MNAT1: variants seen among roughly 807,000 people sequenced by gnomAD.
MNAT1 encodes the protein CDK-activating kinase assembly factor MAT1.
A neutral mutation model predicts 42.0 loss-of-function variants in MNAT1; 43 were observed. The ratio of observed to expected loss-of-function variants is 1.02; its 90% CI spans 0.80 to 1.32. The LOEUF (loss-of-function observed/expected upper bound fraction) is 1.32, where lower values mean the gene tolerates loss of function less well. Among genes scored for constraint, MNAT1 ranks in the 40% most tolerant of loss-of-function variants. The pLI is 0.00. For missense variants in MNAT1, 306 were observed against 350.4 expected (o/e 0.87, Z 1.01); for synonymous variants, 118 against 120.0 (o/e 0.98, Z 0.11).
chr14:60,905,409 C>G (rs2035174268), intron 7 of MNAT1, among the ~76,000 whole-genome samples: 1 of 151,918 alleles, frequency 6.6e-6, no homozygotes, highest in African/African-American at 2.4e-5. Flanking sequence ...GCAGATAAAC[C>G]AGGGTTTTCC....
chr14:60,905,821 G>A (rs2035185731), intron 7 of MNAT1, among the ~76,000 whole-genome samples: 2 of 152,084 alleles, frequency 1.3e-5, no homozygotes, highest in Admixed American at 1.3e-4. Context: ...CATTGGTGAG[G>A]GTGTATATTT....
intron 7 of MNAT1, among the ~76,000 whole-genome samples, chr14:60,910,185 A>T (rs1190680126): frequency 3.3e-5 from 5 of 152,196 alleles, no homozygotes; most frequent in African/African-American, 1.2e-4. Context: ...TTATCCTGAG[A>T]GTTTGCTGAA....
At chr14:60,750,834 C>G (rs967263184) in intron 1 of MNAT1, among the ~76,000 whole-genome samples, 2 of 151,904 alleles carry the variant, frequency 1.3e-5, no homozygotes, top group Non-Finnish European at 2.9e-5. Context: ...AAATGTTGTA[C>G]GTGGTTCCAA....
chr14:60,755,510 C>T (rs547365715), intron 1 of MNAT1, among the ~76,000 whole-genome samples: 1 of 152,272 alleles, frequency 6.6e-6, no homozygotes, highest in Non-Finnish European at 1.5e-5. Context: ...CTCTTAGGCT[C>T]AAGCCATCCT....
At chr14:60,823,550 T>A (rs1043976711) in intron 6 of MNAT1, among the ~76,000 whole-genome samples, 2 of 152,228 alleles carry the variant, frequency 1.3e-5, no homozygotes, top group African/African-American at 4.8e-5. Flanking sequence ...CATTACCTTT[T>A]ATATCTAAGA....
At chr14:60,889,405 A>C (rs1302575661) in intron 7 of MNAT1, among the ~76,000 whole-genome samples, 49 of 152,306 alleles carry the variant, frequency 3.2e-4, no homozygotes, top group Non-Finnish European at 7.3e-5. Context: ...CATATGTAGA[A>C]AGCTGAAACT....
rs1465360826 is a variant in MNAT1 at position 60,869,040 on chromosome 14, A to ATATATATATATATATATATATAT, written c.688-10673_688-10672insATATATATATATATATATATATT. ...ATTTTATACATATATATATATATAT[A>ATATATATATATATATATATATAT]TTTTTTTTTTTTTTTTTGAGACGGA... On this transcript the variant is annotated intron_variant, in intron 6 of 7. Coordinates refer to ENST00000261245, the MANE Select transcript of MNAT1 (RefSeq NM_002431.4). 1.0e-3 allele frequency among the ~76,000 whole-genome samples: 115 copies of ATATATATATATATATATATATAT among 112,998 alleles called. 1 individual carries two copies. Among genetic ancestry groups the ATATATATATATATATATATATAT allele is most frequent in the Non-Finnish European group, 1.5e-3 (83 of 54,700 alleles). 74.1% of individuals were successfully genotyped at this position (112,998 alleles called of 152,430 possible).
intron 6 of MNAT1, among the ~76,000 whole-genome samples, chr14:60,834,271 C>T (rs1566786495): frequency 6.6e-6 from 1 of 151,956 alleles, no homozygotes; most frequent in Non-Finnish European, 1.5e-5. Flanking sequence ...GTTAGTGTGT[C>T]GATTTTAGAT....
chr14:60,803,062 G>C (rs537280716), intron 3 of MNAT1, among the ~76,000 whole-genome samples: 1 of 151,250 alleles, frequency 6.6e-6, no homozygotes, highest in Admixed American at 6.6e-5. Context: ...CTCCCGAGTA[G>C]CTGGGATTAC....
intron 7 of MNAT1, among the ~76,000 whole-genome samples, chr14:60,952,203 C>A (rs1431902782): frequency 2.0e-5 from 3 of 152,042 alleles, no homozygotes; most frequent in Non-Finnish European, 4.4e-5. Flanking sequence ...GTTCAGGGTA[C>A]ATGGAGATGG....
chr14:60,798,058 A>G (rs1442030678), intron 2 of MNAT1, 29 bp from the exon 3 acceptor site: 1 of 1,051,866 alleles, frequency 9.5e-7, no homozygotes. Context: ...GATATGTAAT[A>G]TGTAGATTTC....
intron 7 of MNAT1, among the ~76,000 whole-genome samples, chr14:60,925,276 G>T (rs2035744305): frequency 6.6e-6 from 1 of 152,162 alleles, no homozygotes; most frequent in Non-Finnish European, 1.5e-5. Context: ...TAAAGTATAT[G>T]AGAAGATATG....
chr14:60,944,691 A>G (rs913793982), intron 7 of MNAT1, among the ~76,000 whole-genome samples: 13 of 152,228 alleles, frequency 8.5e-5, no homozygotes, highest in Non-Finnish European at 1.9e-4. Context: ...CAGGAACAAT[A>G]TACAAGAAGT....
intron 1 of MNAT1, among the ~76,000 whole-genome samples, chr14:60,742,620 G>T (rs1478997776): frequency 6.6e-6 from 1 of 152,052 alleles, no homozygotes; most frequent in Non-Finnish European, 1.5e-5. Context: ...ACCCCACAAA[G>T]ATACCTCTCA....
At chr14:60,745,258 C>T (rs1479788158) in intron 1 of MNAT1, among the ~76,000 whole-genome samples, 2 of 152,178 alleles carry the variant, frequency 1.3e-5, no homozygotes, top group Non-Finnish European at 2.9e-5. Flanking sequence ...TGCCTGTAAA[C>T]AGTTGTATTA....
chr14:60,749,743 G>A (rs1199261675), intron 1 of MNAT1, among the ~76,000 whole-genome samples: 1 of 152,044 alleles, frequency 6.6e-6, no homozygotes, highest in African/African-American at 2.4e-5. Context: ...GGAATCTTTT[G>A]GCAATTTATT....
At chr14:60,792,860 T>G (rs1261728311) in intron 1 of MNAT1, among the ~76,000 whole-genome samples, 1 of 152,204 alleles carries the variant, frequency 6.6e-6, no homozygotes, top group Non-Finnish European at 1.5e-5. Flanking sequence ...AAATTTGGGC[T>G]TCTTCAGCAG....
chr14:60,857,599 A>T lies in MNAT1; in HGVS notation c.688-22115A>T, dbSNP rs184001891. On this transcript the variant is annotated intron_variant, in intron 6 of 7. Coordinates refer to ENST00000261245, the MANE Select transcript of MNAT1 (RefSeq NM_002431.4). ...AGTTTTTTTTTATTATTATACTTTA[A>T]GTTCTGCGGTACATTTGTACAATGT... 1.2e-4 allele frequency among the ~76,000 whole-genome samples: 19 copies of T among 152,310 alleles called. 1 individual carries two copies. In the East Asian group the frequency reaches 3.3e-3, roughly 26 times the overall value.
chr14:60,806,285 G>T (rs1281852274), intron 3 of MNAT1, among the ~76,000 whole-genome samples: 6 of 152,310 alleles, frequency 3.9e-5, no homozygotes, highest in Non-Finnish European at 8.8e-5. Context: ...TCATAAGGAG[G>T]AGCTGGTCAT....
Sources: gnomAD v4.1 joint callset for allele counts (sites outside exome capture counted in the v4.1 genomes callset) on GRCh38, gnomAD v4.1.1 for gene constraint, MANE v1.5 for transcripts, NCBI Gene and HGNC (gene_info 2026-07-23, HGNC 2026-07-21) for gene names.